The following SCHIP1 variants were observed in gnomAD, a reference collection of about 807,000 sequenced individuals.
The protein encoded by SCHIP1 is schwannomin-interacting protein 1.
In SCHIP1, 8 loss-of-function variants were observed where a neutral mutation model predicts 29.7. That is an observed-to-expected ratio of 0.27 (90% confidence interval 0.16 to 0.49). The LOEUF (loss-of-function observed/expected upper bound fraction) is 0.49. Ranked by LOEUF, SCHIP1 falls within the 20% of genes least tolerant of loss-of-function variation. The pLI is 0.99. For synonymous variants in SCHIP1, 76 were observed against 94.9 expected (o/e 0.80, Z 1.16); for missense variants, 193 against 294.6 (o/e 0.66, Z 2.52).
the SCHIP1 span, among the ~76,000 whole-genome samples, chr3:159,603,376 G>T: frequency 6.6e-6 from 1 of 152,142 alleles, no homozygotes; most frequent in Non-Finnish European, 1.5e-5. Flanking sequence ...GGCTATTGGT[G>T]ATCAGCTTAA....
chr3:159,496,963 G>A, the SCHIP1 span, among the ~76,000 whole-genome samples: 2 of 152,254 alleles, frequency 1.3e-5, no homozygotes, highest in African/African-American at 4.8e-5. Context: ...TAGCGACATG[G>A]ATGACGCTGG....
the SCHIP1 span, among the ~76,000 whole-genome samples, chr3:159,579,127 C>T: frequency 3.3e-5 from 5 of 152,118 alleles, no homozygotes; most frequent in Non-Finnish European, 5.9e-5. Context: ...TATCGCAATG[C>T]AAATACAGGG....
At chr3:159,473,516 A>C in the SCHIP1 span, among the ~76,000 whole-genome samples, 1 of 151,976 alleles carries the variant, frequency 6.6e-6, no homozygotes, top group African/African-American at 2.4e-5. Context: ...TTGACAGGAA[A>C]ATATATCCTT....
chr3:159,286,792 T>G, the SCHIP1 span, among the ~76,000 whole-genome samples: 1 of 152,226 alleles, frequency 6.6e-6, no homozygotes, highest in African/African-American at 2.4e-5. Context: ...GGTATCTTAT[T>G]GTGGTTTTGA....
At chr3:159,543,787 C>A in the SCHIP1 span, among the ~76,000 whole-genome samples, 1 of 152,098 alleles carries the variant, frequency 6.6e-6, no homozygotes, top group Non-Finnish European at 1.5e-5. Context: ...CCTGATGAAT[C>A]GCCACACTGA....
chr3:159,463,123 A>G, the SCHIP1 span, among the ~76,000 whole-genome samples: 1 of 151,814 alleles, frequency 6.6e-6, no homozygotes, highest in Non-Finnish European at 1.5e-5. Context: ...TAGTATATAC[A>G]TACTATATAT....
At chr3:159,892,005 A>G in intron 5 of SCHIP1, 92 bp from the exon 7 acceptor site, 2 of 1,329,688 alleles carry the variant, frequency 1.5e-6, no homozygotes, top group Non-Finnish European at 1.0e-6. Flanking sequence ...TATTATGGGT[A>G]GCTGTTTGTG....
the SCHIP1 span, among the ~76,000 whole-genome samples, chr3:159,505,794 A>C: frequency 1.3e-5 from 2 of 152,166 alleles, no homozygotes; most frequent in African/African-American, 4.8e-5. Context: ...CTACAAAGGA[A>C]ATGAAATCAC....
chr3:159,458,308 C>T, the SCHIP1 span, among the ~76,000 whole-genome samples: 1 of 152,122 alleles, frequency 6.6e-6, no homozygotes, highest in Non-Finnish European at 1.5e-5. Flanking sequence ...GAGAAAAGTC[C>T]ACTCTCCAGG....
At chr3:159,771,976 G>A in the SCHIP1 span, among the ~76,000 whole-genome samples, 3 of 152,088 alleles carry the variant, frequency 2.0e-5, no homozygotes, top group Middle Eastern at 3.2e-3. Context: ...CACACTTGAA[G>A]AGCTTCTTGA....
At chr3:159,811,517 C>G in the SCHIP1 span, among the ~76,000 whole-genome samples, 1 of 152,096 alleles carries the variant, frequency 6.6e-6, no homozygotes, top group African/African-American at 2.4e-5. Flanking sequence ...TCCAGTTGTC[C>G]CAGCACCATC....
At chr3:159,714,081 A>G in the SCHIP1 span, among the ~76,000 whole-genome samples, 1 of 152,152 alleles carries the variant, frequency 6.6e-6, no homozygotes. Context: ...TATTAAAAAT[A>G]CAAAAATTAG....
chr3:159,429,059 G>C, the SCHIP1 span, among the ~76,000 whole-genome samples: 1 of 144,684 alleles, frequency 6.9e-6, no homozygotes, highest in African/African-American at 2.5e-5. Flanking sequence ...GGTTGGGGGA[G>C]GGGGGAGGGA....
the SCHIP1 span, among the ~76,000 whole-genome samples, chr3:159,742,834 A>ATTT: frequency 4.5e-5 from 5 of 110,820 alleles, no homozygotes; most frequent in South Asian, 2.9e-4. Flanking sequence ...CGCCTAGCTA[A>ATTT]TTTTTTTTTT....
chr3:159,495,577 A>C, the SCHIP1 span, among the ~76,000 whole-genome samples: 77 of 152,312 alleles, frequency 5.1e-4, no homozygotes, highest in African/African-American at 1.8e-3. Flanking sequence ...TTCAAAGAGA[A>C]CTACAAACCA....
chr3:159,892,877 G>A (rs1450315974), intron 6 of SCHIP1: 1 of 152,222 alleles, frequency 6.6e-6, no homozygotes, highest in Non-Finnish European at 1.5e-5. Context: ...ACATTCCTAT[G>A]AGCACATATT....
At chr3:159,700,566 T>A in the SCHIP1 span, among the ~76,000 whole-genome samples, 1 of 152,170 alleles carries the variant, frequency 6.6e-6, no homozygotes, top group East Asian at 1.9e-4. Flanking sequence ...GTGCCTGTAA[T>A]CCCAGCACTT....
At chr3:159,482,322 G>C in the SCHIP1 span, among the ~76,000 whole-genome samples, 1 of 152,068 alleles carries the variant, frequency 6.6e-6, no homozygotes, top group Non-Finnish European at 1.5e-5. Context: ...CCTTCAAGAA[G>C]GACGTATGAA....
At chr3:159,828,372 T>A in the SCHIP1 span, among the ~76,000 whole-genome samples, 1 of 106,192 alleles carries the variant, frequency 9.4e-6, no homozygotes, top group Admixed American at 9.7e-5. Context: ...TATATATATA[T>A]ATACATATAT....
Sources: gnomAD v4.1 joint callset for allele counts (sites outside exome capture counted in the v4.1 genomes callset) on GRCh38, gnomAD v4.1.1 for gene constraint, MANE v1.5 for transcripts, NCBI Gene and HGNC (gene_info 2026-07-23, HGNC 2026-07-21) for gene names.